COX7B2: variants seen among roughly 807,000 people sequenced by gnomAD.
The protein encoded by COX7B2 is cytochrome c oxidase subunit 7B2, also known as cytochrome c oxidase subunit 7B2, mitochondrial.
For synonymous variants in COX7B2, 37 were observed against 32.1 expected (o/e 1.15, Z -0.51); for missense variants, 109 against 95.9 (o/e 1.14, Z -0.57).
intron 2 of COX7B2, among the ~76,000 whole-genome samples, chr4:46,824,447 C>T (rs1253278185): frequency 6.6e-6 from 1 of 152,114 alleles, no homozygotes; most frequent in East Asian, 1.9e-4. Flanking sequence ...GAATCAGCCT[C>T]ACTTGTACCA....
At chr4:46,889,487 G>A (rs1029401272) in intron 1 of COX7B2, among the ~76,000 whole-genome samples, 3 of 152,282 alleles carry the variant, frequency 2.0e-5, no homozygotes, top group African/African-American at 7.2e-5. Flanking sequence ...ATGCTTCTCT[G>A]GCTTGTCTAA....
At chr4:46,794,194 A>C (rs1226584470) in intron 2 of COX7B2, among the ~76,000 whole-genome samples, 1 of 152,204 alleles carries the variant, frequency 6.6e-6, no homozygotes, top group Non-Finnish European at 1.5e-5. Context: ...AACGTGTTTA[A>C]ATGGATGCTA....
At chr4:46,847,925 G>A (rs1350553323) in intron 1 of COX7B2, among the ~76,000 whole-genome samples, 1 of 152,002 alleles carries the variant, frequency 6.6e-6, no homozygotes. Flanking sequence ...CCCCCTCTTA[G>A]CAGAAGGTGG....
chr4:46,886,849 T>C (rs1719112231), intron 1 of COX7B2, among the ~76,000 whole-genome samples: 1 of 152,178 alleles, frequency 6.6e-6, no homozygotes, highest in Non-Finnish European at 1.5e-5. Context: ...AAAAATGCCT[T>C]TTCACAGATT....
At chr4:46,836,974 A>G (rs1374051588) in intron 2 of COX7B2, among the ~76,000 whole-genome samples, 1 of 152,116 alleles carries the variant, frequency 6.6e-6, no homozygotes. Flanking sequence ...TAAAATTATG[A>G]ATTACAAGTA....
At chr4:46,884,235 G>T (rs1577696141) in intron 1 of COX7B2, among the ~76,000 whole-genome samples, 1 of 152,220 alleles carries the variant, frequency 6.6e-6, no homozygotes, top group East Asian at 1.9e-4. Flanking sequence ...TTGTAGCACA[G>T]GCTGGAGTGC....
intron 2 of COX7B2, among the ~76,000 whole-genome samples, chr4:46,757,606 C>T (rs572919029): frequency 2.0e-5 from 3 of 152,166 alleles, no homozygotes; most frequent in South Asian, 2.1e-4. Context: ...CATATTCTCT[C>T]GAGCCAAACT....
In COX7B2 at chr4:46,750,195, T is replaced by TACACACACACACACAC. The variant is rs58139781; in HGVS notation, c.-49-14970_-49-14955dup. 2.7e-3 allele frequency among the ~76,000 whole-genome samples: 303 copies of TACACACACACACACAC among 113,910 alleles called. 7 individuals carry two copies. Among genetic ancestry groups the TACACACACACACACAC allele is most frequent in the East Asian group, 4.9e-3 (18 of 3,666 alleles). The allele number at this position is 113,910 out of a possible 152,430, so 74.7% of individuals were successfully genotyped here. ...GGACAACACAATGAGATCCCATCTC[T>TACACACACACACACAC]ACACACACACACACACACACACACA... On this transcript the variant is annotated intron_variant, in intron 2 of 2. Coordinates refer to ENST00000355591, the MANE Select transcript of COX7B2 (RefSeq NM_130902.3).
chr4:46,876,489 C>T (rs1216514765), intron 1 of COX7B2: 1 of 150,450 alleles, frequency 6.6e-6, no homozygotes, highest in Non-Finnish European at 1.5e-5. Flanking sequence ...ACTGCAAGCT[C>T]CACCTTCTGG....
chr4:46,748,981 C>T (rs1715185608), intron 2 of COX7B2, among the ~76,000 whole-genome samples: 1 of 152,156 alleles, frequency 6.6e-6, no homozygotes, highest in African/African-American at 2.4e-5. Context: ...ATCAAACTTC[C>T]TTCCCAACAT....
At chr4:46,847,961 A>G (rs977309198) in intron 1 of COX7B2, among the ~76,000 whole-genome samples, 1 of 151,956 alleles carries the variant, frequency 6.6e-6, no homozygotes, top group Non-Finnish European at 1.5e-5. Flanking sequence ...TTGCATGGAA[A>G]TTGGTAGAAG....
At chr4:46,839,067 C>A (rs1050244754) in intron 2 of COX7B2, among the ~76,000 whole-genome samples, 1 of 151,822 alleles carries the variant, frequency 6.6e-6, no homozygotes, top group African/African-American at 2.4e-5. Context: ...CTCCTTTGAG[C>A]CTCTGTGATT....
At chr4:46,848,826 T>C (rs534382480) in intron 1 of COX7B2, among the ~76,000 whole-genome samples, 1 of 152,148 alleles carries the variant, frequency 6.6e-6, no homozygotes, top group Admixed American at 6.6e-5. Flanking sequence ...TTGGATTCCA[T>C]GGAGCATTGG....
chr4:46,805,627 T>A (rs900469717), intron 2 of COX7B2, among the ~76,000 whole-genome samples: 3 of 152,186 alleles, frequency 2.0e-5, no homozygotes, highest in Non-Finnish European at 1.5e-5. Flanking sequence ...AAAATTTAAA[T>A]CAAATGTTTT....
chr4:46,798,629 G>C (rs1718484074), intron 2 of COX7B2, among the ~76,000 whole-genome samples: 1 of 152,156 alleles, frequency 6.6e-6, no homozygotes, highest in Non-Finnish European at 1.5e-5. Flanking sequence ...CTCTTGGCCT[G>C]CTACTGGGCT....
intron 2 of COX7B2, among the ~76,000 whole-genome samples, chr4:46,749,658 A>C (rs1411712816): frequency 6.6e-6 from 1 of 152,236 alleles, no homozygotes; most frequent in Non-Finnish European, 1.5e-5. Flanking sequence ...TGTACCTGTC[A>C]CATAATTATA....
chr4:46,825,935 A>C (rs1714659861), intron 2 of COX7B2, among the ~76,000 whole-genome samples: 2 of 152,182 alleles, frequency 1.3e-5, no homozygotes, highest in African/African-American at 4.8e-5. Flanking sequence ...CCTGGAAATC[A>C]ACCTAGGTAG....
intron 1 of COX7B2, among the ~76,000 whole-genome samples, chr4:46,892,849 C>T (rs1719512655): frequency 6.6e-6 from 1 of 152,116 alleles, no homozygotes; most frequent in Admixed American, 6.5e-5. Flanking sequence ...CAAGAGGGAC[C>T]CAGTGGGACA....
intron 1 of COX7B2, among the ~76,000 whole-genome samples, chr4:46,854,571 T>C (rs1031345840): frequency 1.3e-5 from 2 of 152,354 alleles, no homozygotes; most frequent in Non-Finnish European, 1.5e-5. Flanking sequence ...GTGCCTATTT[T>C]TCTTGTTTCA....
Sources: allele counts gnomAD v4.1 joint callset (sites outside exome capture counted in the v4.1 genomes callset), GRCh38; gene constraint gnomAD v4.1.1; transcripts MANE v1.5; gene names NCBI Gene and HGNC (gene_info 2026-07-23, HGNC 2026-07-21).